Variants in CNTN4 observed in about 807,000 individuals in gnomAD.
The protein encoded by CNTN4 is contactin-4.
Under a neutral mutation model 122.5 loss-of-function variants are expected in CNTN4, and 77 were observed. The ratio of observed to expected loss-of-function variants is 0.63; its 90% CI spans 0.52 to 0.76. The LOEUF (loss-of-function observed/expected upper bound fraction) is 0.76, where lower values mean the gene tolerates loss of function less well. Among genes scored for constraint, CNTN4 ranks in the 30% least tolerant of loss-of-function variants. The pLI is 0.00. For synonymous variants in CNTN4, 512 were observed against 447.0 expected (o/e 1.15, Z -1.83); for missense variants, 1,256 against 1,259.1 (o/e 1.00, Z 0.04).
chr3:3,003,234 G>A (rs760384517), intron 14 of CNTN4, among the ~76,000 whole-genome samples: 5 of 152,136 alleles, frequency 3.3e-5, no homozygotes, highest in Non-Finnish European at 7.3e-5. Flanking sequence ...TTTAGATACT[G>A]ACTTTAAAAC....
intron 2 of CNTN4, among the ~76,000 whole-genome samples, chr3:2,318,418 A>G (rs1476177840): frequency 2.0e-5 from 3 of 152,290 alleles, no homozygotes; most frequent in South Asian, 4.1e-4. Flanking sequence ...GGGATATAGC[A>G]AAGTGTTCTT....
At chr3:2,807,284 G>A (rs992875998) in intron 6 of CNTN4, among the ~76,000 whole-genome samples, 3 of 152,178 alleles carry the variant, frequency 2.0e-5, no homozygotes, top group Non-Finnish European at 2.9e-5. Flanking sequence ...TGAGAACAGG[G>A]AAACAGCACC....
At chr3:2,344,784 T>C (rs1187729365) in intron 3 of CNTN4, among the ~76,000 whole-genome samples, 5 of 152,300 alleles carry the variant, frequency 3.3e-5, no homozygotes, top group East Asian at 1.9e-4. Context: ...AGTTAGGAAA[T>C]AGACCCTCCA....
At chr3:2,965,062 G>A (rs942092974) in intron 13 of CNTN4, among the ~76,000 whole-genome samples, 2 of 152,088 alleles carry the variant, frequency 1.3e-5, no homozygotes, top group African/African-American at 4.8e-5. Context: ...ATTCTATTAC[G>A]GTGTGCCATG....
Position 2,571,485 on chromosome 3 carries a change from T to G in CNTN4, c.-19T>G. ...CTTGTTATTGGACTTGAAACTCCCT[T>G]TGACCTCGGAAACTGAAGATGAGGT... On this transcript the variant is annotated 5_prime_UTR_variant, in exon 4 of 25. Coordinates refer to ENST00000418658, the MANE Select transcript of CNTN4 (RefSeq NM_175607.3). The G allele has an allele frequency of 6.2e-7, 1 of 1,606,780 alleles. No homozygotes were observed. Among genetic ancestry groups the G allele is most frequent in the Non-Finnish European group, 8.5e-7 (1 of 1,173,268 alleles).
chr3:2,538,500 T>C (rs141176627), intron 3 of CNTN4, among the ~76,000 whole-genome samples: 1 of 152,222 alleles, frequency 6.6e-6, no homozygotes, highest in Non-Finnish European at 1.5e-5. Flanking sequence ...ATATATATAG[T>C]TATTTCCCAA....
chr3:2,677,496 A>G (rs1423104276), intron 4 of CNTN4, among the ~76,000 whole-genome samples: 4 of 99,394 alleles, frequency 4.0e-5, no homozygotes, highest in Non-Finnish European at 8.6e-5. Context: ...CTATCTATCT[A>G]TCTATCTATC....
chr3:2,640,940 G>A (rs2082871470), intron 4 of CNTN4, among the ~76,000 whole-genome samples: 1 of 152,128 alleles, frequency 6.6e-6, no homozygotes, highest in Non-Finnish European at 1.5e-5. Flanking sequence ...GCTGGACAGA[G>A]GATAAGAGGG....
chr3:2,741,922 A>G (rs1315611563), intron 5 of CNTN4, among the ~76,000 whole-genome samples: 1 of 152,256 alleles, frequency 6.6e-6, no homozygotes, highest in African/African-American at 2.4e-5. Flanking sequence ...CACTGAGAAC[A>G]AAACTTTTTA....
At chr3:3,033,639 CATT>C (rs1295482828) in intron 16 of CNTN4, among the ~76,000 whole-genome samples, 3 of 152,266 alleles carry the variant, frequency 2.0e-5, no homozygotes, top group African/African-American at 7.2e-5. Context: ...TGAGGTTTGT[CATT>C]ATGTCCCCTC....
intron 3 of CNTN4, among the ~76,000 whole-genome samples, chr3:2,356,721 C>G (rs756349820): frequency 4.6e-5 from 7 of 152,134 alleles, no homozygotes; most frequent in Non-Finnish European, 1.0e-4. Context: ...AGCCCCTATT[C>G]AAGATGGAGT....
intron 3 of CNTN4, among the ~76,000 whole-genome samples, chr3:2,390,279 A>T (rs2046396949): frequency 6.6e-6 from 1 of 150,438 alleles, no homozygotes; most frequent in African/African-American, 2.5e-5. Flanking sequence ...TATAGAGGAA[A>T]TGTAGTAAAA....
intron 6 of CNTN4, among the ~76,000 whole-genome samples, chr3:2,794,377 T>C (rs1298168482): frequency 1.3e-5 from 2 of 152,210 alleles, no homozygotes; most frequent in Non-Finnish European, 2.9e-5. Flanking sequence ...CTGGGAGTCT[T>C]TGATGCTGTA....
chr3:2,709,469 T>G lies in CNTN4; in HGVS notation c.56-26746T>G, dbSNP rs530571024. 2.0e-5 allele frequency among the ~76,000 whole-genome samples: 3 copies of G among 152,266 alleles called. No individual in the cohort carries two copies. The highest frequency in any genetic ancestry group is 3.9e-4 in the East Asian group (2 of 5,184). On this transcript the variant is annotated intron_variant, in intron 4 of 24. Coordinates refer to ENST00000418658, the MANE Select transcript of CNTN4 (RefSeq NM_175607.3). This position sits in a 1 kb window ranked among gnomAD's most constrained non-coding sequence, Gnocchi z 5.0. ...ATCGTGTGCAATGGGGGATGGGAAC[T>G]ACTGAAACCTAATCCCCGCAATTAC... is the stretch of plus-strand genomic sequence containing the variant.
At chr3:2,954,340 G>A (rs2094776799) in intron 13 of CNTN4, among the ~76,000 whole-genome samples, 1 of 152,164 alleles carries the variant, frequency 6.6e-6, no homozygotes, top group Admixed American at 6.5e-5. Context: ...GTCCTCCAGT[G>A]CCCATTGGGA....
intron 3 of CNTN4, among the ~76,000 whole-genome samples, chr3:2,463,898 A>T (rs2151450106): frequency 6.6e-6 from 1 of 152,228 alleles, no homozygotes; most frequent in Admixed American, 6.5e-5. Flanking sequence ...TGCTGCCTTT[A>T]TATGTGAAGT....
chr3:2,257,804 C>T (rs1299949515), intron 2 of CNTN4, among the ~76,000 whole-genome samples: 1 of 152,062 alleles, frequency 6.6e-6, no homozygotes. Flanking sequence ...TGGCTCATGC[C>T]TGTAATCTTA....
At chr3:2,785,305 T>C (rs1388537165) in intron 6 of CNTN4, among the ~76,000 whole-genome samples, 4 of 152,126 alleles carry the variant, frequency 2.6e-5, no homozygotes, top group African/African-American at 9.7e-5. Context: ...GGGGTGCTGA[T>C]AGTGTAAATT....
intron 2 of CNTN4, among the ~76,000 whole-genome samples, chr3:2,323,647 C>G (rs1027444606): frequency 2.0e-5 from 3 of 152,084 alleles, no homozygotes; most frequent in African/African-American, 4.8e-5. Flanking sequence ...TTCTTTGATG[C>G]TTTCTTTTTT....
Sources: gnomAD v4.1 joint callset for allele counts (sites outside exome capture counted in the v4.1 genomes callset) on GRCh38, gnomAD v4.1.1 for gene constraint, Gnocchi (gnomAD v3.1) non-coding constraint, MANE v1.5 for transcripts, NCBI Gene and HGNC (gene_info 2026-07-23, HGNC 2026-07-21) for gene names.